Variants in GRAMD1C observed in about 807,000 individuals in gnomAD.
The protein encoded by GRAMD1C is GRAM domain containing 1C.
GRAMD1C carries 89 observed loss-of-function variants against 97.8 expected under a neutral mutation model. The ratio of observed to expected loss-of-function variants is 0.91; its 90% confidence interval spans 0.77 to 1.09. The LOEUF is 1.09. Ranked by LOEUF, GRAMD1C falls within the 50% of genes least tolerant of loss-of-function variation. GRAMD1C has a pLI of 0.00. For missense variants in GRAMD1C, 740 were observed against 766.4 expected (o/e 0.97, Z 0.41); for synonymous variants, 256 against 267.0 (o/e 0.96, Z 0.40).
chr3:113,873,529 T>A (rs541563421), intron 3 of GRAMD1C, among the ~76,000 whole-genome samples: 35 of 152,186 alleles, frequency 2.3e-4, no homozygotes, highest in South Asian at 8.3e-4. Flanking sequence ...ATTTTATTTT[T>A]TTTTTTGGAG....
intron 1 of GRAMD1C, among the ~76,000 whole-genome samples, chr3:113,840,028 G>A (rs948169302): frequency 4.6e-5 from 7 of 152,002 alleles, no homozygotes; most frequent in Admixed American, 1.3e-4. Flanking sequence ...GTGCAGTGGC[G>A]CAATCTCGGC....
intron 17 of GRAMD1C, among the ~76,000 whole-genome samples, chr3:113,941,818 C>T (rs1185945128): frequency 6.6e-6 from 1 of 152,078 alleles, no homozygotes; most frequent in African/African-American, 2.4e-5. Context: ...AGGGTTTCGC[C>T]ATGTTGGCCA....
intron 2 of GRAMD1C, among the ~76,000 whole-genome samples, chr3:113,853,066 C>T (rs751263141): frequency 2.3e-4 from 35 of 151,868 alleles, no homozygotes; most frequent in Non-Finnish European, 4.9e-4. Context: ...ATAAAGACTA[C>T]GAAAGTCATA....
chr3:113,891,767 G>T (rs1935735341), intron 6 of GRAMD1C, among the ~76,000 whole-genome samples: 1 of 151,566 alleles, frequency 6.6e-6, no homozygotes, highest in Admixed American at 6.6e-5. Context: ...CATGCCTATA[G>T]TCCTAGCTAC....
chr3:113,852,411 T>C (rs1179260781), intron 2 of GRAMD1C, among the ~76,000 whole-genome samples: 1 of 152,186 alleles, frequency 6.6e-6, no homozygotes, highest in African/African-American at 2.4e-5. Flanking sequence ...ATTTTAAGTA[T>C]AGTTAGATAC....
Position 113,838,875 on chromosome 3 carries a change from C to T in GRAMD1C, c.-35C>T. 1 of 1,227,554 alleles carries T rather than the reference C, an allele frequency of 8.1e-7. No individual in the cohort carries two copies. The highest frequency in any genetic ancestry group is 4.3e-5 in the Admixed American group (1 of 23,482). 76.0% of individuals were successfully genotyped at this position (1,227,554 alleles called of 1,614,324 possible). A position where few individuals can be genotyped will look rare whatever the true frequency, so the allele number is the denominator to read the frequency against. On this transcript the variant is annotated 5_prime_UTR_variant, in exon 1 of 18. Transcript: ENST00000358160. ...GCGCGGGGCGGTGCGGTGCGGTGCG[C>T]GCGGGGCGGTGCCGCGGCGGCGGAG...
At chr3:113,841,600 T>A (rs1933318031) in intron 1 of GRAMD1C, among the ~76,000 whole-genome samples, 1 of 152,092 alleles carries the variant, frequency 6.6e-6, no homozygotes, top group Admixed American at 6.6e-5. Context: ...CTGAAGTAGG[T>A]CTTACATAAC....
In GRAMD1C at chr3:113,849,633, T is replaced by A. The variant is rs112049883; in HGVS notation, c.174+4984T>A. On this transcript the variant is annotated intron_variant, in intron 2 of 17. Coordinates refer to ENST00000358160, the MANE Select transcript of GRAMD1C (RefSeq NM_017577.5). The stretch of plus-strand genomic sequence containing the variant: ...GGGGTAAGGTCACAGATCAACAGGA[T>A]CCCAAGGCAGAAGAATTTTTCTTAG... Among the ~76,000 whole-genome samples, 1,355 of 152,138 alleles carry A rather than the reference T, an allele frequency of 8.9e-3. 20 individuals carry two copies. The highest frequency in any genetic ancestry group is 0.031 in the African/African-American group (1,295 of 41,478).
intron 10 of GRAMD1C, among the ~76,000 whole-genome samples, chr3:113,918,884 A>G (rs910878199): frequency 1.3e-5 from 2 of 152,008 alleles, no homozygotes; most frequent in Admixed American, 1.3e-4. Flanking sequence ...TTATAGAGAC[A>G]AGTGTCTCCC....
At chr3:113,880,974 A>G (rs1203004032) in intron 5 of GRAMD1C, among the ~76,000 whole-genome samples, 1 of 152,098 alleles carries the variant, frequency 6.6e-6, no homozygotes, top group Non-Finnish European at 1.5e-5. Context: ...CTGTACTACT[A>G]AATATTCACC....
At chr3:113,907,169 T>C (rs776028454) in intron 8 of GRAMD1C, among the ~76,000 whole-genome samples, 5 of 152,250 alleles carry the variant, frequency 3.3e-5, no homozygotes, top group Non-Finnish European at 4.4e-5. Context: ...GCTGTTATAA[T>C]TGAAGGTGAA....
intron 1 of GRAMD1C, among the ~76,000 whole-genome samples, chr3:113,839,564 A>G (rs908075600): frequency 3.3e-5 from 5 of 152,182 alleles, no homozygotes; most frequent in Non-Finnish European, 1.5e-5. Context: ...GTTATAGTTT[A>G]CAGATTAGTG....
chr3:113,879,902 C>T (rs1935196944), intron 5 of GRAMD1C, among the ~76,000 whole-genome samples: 1 of 151,936 alleles, frequency 6.6e-6, no homozygotes, highest in Non-Finnish European at 1.5e-5. Flanking sequence ...CCATGTTGGC[C>T]AGGCTGGTCT....
At chr3:113,938,005 C>CAA (rs5851908) in intron 14 of GRAMD1C, 81 bp from the exon 15 acceptor site, 22,493 of 499,332 alleles carry the variant, frequency 0.045, 3 homozygotes, top group South Asian at 0.063. Flanking sequence ...AACTCCTTCT[C>CAA]AAAAAAAAAA....
At chr3:113,857,608 C>T (rs998181825) in intron 2 of GRAMD1C, among the ~76,000 whole-genome samples, 1 of 152,088 alleles carries the variant, frequency 6.6e-6, no homozygotes, top group Non-Finnish European at 1.5e-5. Flanking sequence ...GATCGCCTGA[C>T]CTCGTGATCC....
chr3:113,889,123 C>A (rs1420059557), intron 6 of GRAMD1C, among the ~76,000 whole-genome samples: 1 of 152,072 alleles, frequency 6.6e-6, no homozygotes, highest in Admixed American at 6.6e-5. Context: ...TCACTTGAAC[C>A]GGGTAGGCAG....
At chr3:113,890,548 C>A in intron 6 of GRAMD1C, 1 of 520,266 alleles carries the variant, frequency 1.9e-6, no homozygotes, top group Non-Finnish European at 3.4e-6. Flanking sequence ...TTGTCATTAC[C>A]GTGGGGTGCT....
chr3:113,940,741 A>G (rs1937735760), intron 17 of GRAMD1C, among the ~76,000 whole-genome samples: 1 of 152,160 alleles, frequency 6.6e-6, no homozygotes, highest in Non-Finnish European at 1.5e-5. Flanking sequence ...ACTTTTATCT[A>G]TTAACCATAT....
intron 11 of GRAMD1C, among the ~76,000 whole-genome samples, chr3:113,931,091 C>T (rs1937401593): frequency 6.6e-6 from 1 of 152,020 alleles, no homozygotes; most frequent in Non-Finnish European, 1.5e-5. Flanking sequence ...AATGGTATTA[C>T]AGCTGTGTAT....
Sources: gnomAD v4.1 joint callset for allele counts (sites outside exome capture counted in the v4.1 genomes callset) on GRCh38, gnomAD v4.1.1 for gene constraint, MANE v1.5 for transcripts, NCBI Gene and HGNC (gene_info 2026-07-23, HGNC 2026-07-21) for gene names.